Variants in AADACL4 observed in about 807,000 individuals in gnomAD.
The protein encoded by AADACL4 is arylacetamide deacetylase like 4, also known as arylacetamide deacetylase-like 4.
Under a neutral mutation model 14.1 loss-of-function variants are expected in AADACL4, and 9 were observed. That is an observed-to-expected ratio of 0.64 (90% CI 0.39 to 1.12). AADACL4 has a LOEUF of 1.12. Ranked by LOEUF, AADACL4 falls within the 50% of genes most tolerant of loss-of-function variation. The probability of loss-of-function intolerance (pLI) is 0.01; values close to 1 mark genes in which losing one functional copy is unlikely to be tolerated. For missense variants in AADACL4, 531 were observed against 516.1 expected, an observed-to-expected ratio of 1.03 and a Z score of -0.28; for synonymous variants, 188 against 201.6, an observed-to-expected ratio of 0.93 and a Z score of 0.57.
intron 2 of AADACL4, among the ~76,000 whole-genome samples, chr1:12,658,405 C>T (rs985004699): frequency 6.6e-5 from 10 of 151,996 alleles, no homozygotes; most frequent in South Asian, 2.1e-4. Flanking sequence ...ATTACAGGCG[C>T]GTGCCACCAC....
intron 2 of AADACL4, among the ~76,000 whole-genome samples, chr1:12,652,121 C>G (rs934498965): frequency 3.9e-5 from 6 of 152,092 alleles, no homozygotes; most frequent in Non-Finnish European, 7.3e-5. Context: ...CCACGCCCAG[C>G]CTTCCAGAGG....
rs772039677 is a variant in AADACL4 at position 12,651,213 on chromosome 1, C to G, written c.259C>G (p.Leu87Val). Residue 87 changes from leucine to valine, a missense_variant, in exon 2 of 4, where the codon CTT becomes GTT. Coordinates refer to ENST00000376221, the MANE Select transcript of AADACL4 (RefSeq NM_001013630.2). The stretch of plus-strand genomic sequence containing the variant: ...CGTGAGAATTAAAAAGGACCCTGAA[C>G]TTGTGGTGACCGACCTGCGTTTTGG... Reference protein sequence around the residue: ...DSVRIKKDPELVVTDLRFGTI... With the variant: ...DSVRIKKDPEVVVTDLRFGTI... 7 of 1,614,242 alleles carry G rather than the reference C, an allele frequency of 4.3e-6. No homozygotes were observed. In the South Asian group the frequency reaches 5.5e-5, roughly 13 times the overall value.
rs1647357144 is a variant in AADACL4, at chr1:12,666,980, A to G, written c.*245A>G. On this transcript the variant is annotated 3_prime_UTR_variant, in exon 4 of 4. Coordinates refer to ENST00000376221, the MANE Select transcript of AADACL4 (RefSeq NM_001013630.2). ...GCGACATTCTCTAACATTCCCATTT[A>G]GGTGAAATAAATATCAAAAGGAGAA... 2 of 476,932 alleles carry G rather than the reference A, an allele frequency of 4.2e-6. No individual in the cohort carries two copies. Among genetic ancestry groups the G allele is most frequent in the Non-Finnish European group, 7.3e-6 (2 of 274,782 alleles). The allele number at this position is 476,932 out of a possible 1,614,324, so 29.5% of individuals were successfully genotyped here.
chr1:12,666,609 C>T lies in AADACL4; in HGVS notation c.1098C>T (p.Arg366=), dbSNP rs371094883. The T allele has an allele frequency of 3.8e-5, 61 of 1,614,166 alleles. No homozygotes were observed. The highest frequency in any genetic ancestry group is 1.0e-4 in the Admixed American group (6 of 60,028). ...AGCGCTTGGAGGACCAGGGGGTCCG[C>T]GTGACATGGTACCACCTGTATGATG... The part of the protein sequence containing the change: ...YKKRLEDQGV[R]VTWYHLYDGF... Residue 366 remains arginine (R), a synonymous_variant, in exon 4 of 4, where the codon CGC becomes CGT. Coordinates refer to ENST00000376221, the MANE Select transcript of AADACL4 (RefSeq NM_001013630.2).
At chr1:12,646,413 T>G (rs1647112038) in intron 1 of AADACL4, among the ~76,000 whole-genome samples, 2 of 152,210 alleles carry the variant, frequency 1.3e-5, no homozygotes, top group Non-Finnish European at 2.9e-5. Flanking sequence ...TACAAAAACA[T>G]TTTCTAAAAG....
Position 12,653,307 on chromosome 1 carries a change from A to AACCTAAT in AADACL4, c.385+1969_385+1970insCCTAATA, listed in dbSNP as rs111485459. On this transcript the variant is annotated intron_variant, in intron 2 of 3. Transcript: ENST00000376221. ...ATAAAAGGCAAAAACCATTTGCGTC[A>AACCTAAT]AGAAGACATAAACTTTACAAAGAGA... 5.4e-3 allele frequency among the ~76,000 whole-genome samples: 824 copies of AACCTAAT among 152,372 alleles called. 8 individuals carry two copies. The highest frequency in any genetic ancestry group is 0.019 in the African/African-American group (777 of 41,590).
chr1:12,658,162 T>C, intron 2 of AADACL4, among the ~76,000 whole-genome samples: 1 of 137,736 alleles, frequency 7.3e-6, no homozygotes, highest in Admixed American at 6.9e-5. Flanking sequence ...CTTTCTTTCT[T>C]TCTTTTTCTC....
At chr1:12,650,055 A>T (rs1557548025) in intron 1 of AADACL4, among the ~76,000 whole-genome samples, 2 of 152,178 alleles carry the variant, frequency 1.3e-5, no homozygotes, top group African/African-American at 2.4e-5. Context: ...CAAGTTAATG[A>T]TCCAAGCCAC....
At position 12,666,640 on chromosome 1, in the gene AADACL4, C is replaced by T. The variant is rs1222462600; in HGVS notation, c.1129C>T (p.His377Tyr). 6.2e-7 allele frequency: 1 copy of T among 1,614,178 alleles called. No homozygotes were observed. Among genetic ancestry groups the T allele is most frequent in the Admixed American group, 1.7e-5 (1 of 60,020 alleles). Reference protein sequence around the residue: ...VTWYHLYDGFHGSIIFFDKKA... With the variant: ...VTWYHLYDGFYGSIIFFDKKA... ...ATGGTACCACCTGTATGATGGTTTTCACGGATCCATTATCTTTTTTGATAA... is the reference window on the plus strand; with the variant it reads ...ATGGTACCACCTGTATGATGGTTTTTACGGATCCATTATCTTTTTTGATAA... Residue 377 changes from histidine to tyrosine, a missense_variant, in exon 4 of 4, where the codon CAC (histidine) becomes TAC (tyrosine). His to Tyr is a moderately conservative substitution (Grantham distance 83). Coordinates refer to ENST00000376221, the MANE Select transcript of AADACL4 (RefSeq NM_001013630.2).
At chr1:12,662,973 G>A (rs374022402) in intron 3 of AADACL4, among the ~76,000 whole-genome samples, 37 of 152,320 alleles carry the variant, frequency 2.4e-4, no homozygotes, top group African/African-American at 8.7e-4. Context: ...ATACCTTGTA[G>A]GAAATTGCTT....
At chr1:12,649,000 A>G (rs1647129382) in intron 1 of AADACL4, among the ~76,000 whole-genome samples, 1 of 152,152 alleles carries the variant, frequency 6.6e-6, no homozygotes. Flanking sequence ...GACAGAGGGG[A>G]AGGTGCTGAG....
In AADACL4 at chr1:12,651,144, G is replaced by A. The variant is rs1482641630; in HGVS notation, c.190G>A (p.Gly64Arg). Residue 64 changes from glycine to arginine, a missense_variant, in exon 2 of 4, where the codon GGA (glycine) becomes AGA (arginine). By Grantham distance (125) the Gly-to-Arg change is moderately radical. Coordinates refer to ENST00000376221, the MANE Select transcript of AADACL4 (RefSeq NM_001013630.2). ...ACAGGGGAATATATTTGAGAAGCTGGGAATTTGCTCCATGCCCAAATTTAT... is the reference window on the plus strand; with the variant it reads ...ACAGGGGAATATATTTGAGAAGCTGAGAATTTGCTCCATGCCCAAATTTAT... ...VTLGNIFEKL[G>R]ICSMPKFIRF... 2 of 1,614,062 alleles carry A rather than the reference G, an allele frequency of 1.2e-6. No homozygotes were observed. The highest frequency in any genetic ancestry group is 1.7e-5 in the Admixed American group (1 of 60,006).
chr1:12,663,386 G>T (rs540219192), intron 3 of AADACL4, among the ~76,000 whole-genome samples: 1 of 152,268 alleles, frequency 6.6e-6, no homozygotes, highest in African/African-American at 2.4e-5. Flanking sequence ...GCTGTAGACT[G>T]CCAGCTTCTC....
rs1301579914 is a variant in AADACL4 at position 12,666,711 on chromosome 1, A to G, written c.1200A>G (p.Val400=). The G allele has an allele frequency of 6.2e-6, 10 of 1,611,532 alleles. No homozygotes were observed. The highest frequency in any genetic ancestry group is 8.5e-6 in the Non-Finnish European group (10 of 1,179,780). Residue 400 remains valine, a synonymous_variant, in exon 4 of 4, where the codon GTA becomes GTG. Coordinates refer to ENST00000376221, the MANE Select transcript of AADACL4 (RefSeq NM_001013630.2). ...GTTCCCTGAAGATTGTGAATGCTGT[A>G]GTCAGTTATATAAAGGGCATATGAT... ...FPCSLKIVNA[V]VSYIKGI is the part of the protein sequence containing the mutation.
rs371223851 is a variant in AADACL4, at chr1:12,648,534, C to G, written c.169-2589C>G. 1.1e-4 allele frequency among the ~76,000 whole-genome samples: 16 copies of G among 151,718 alleles called. 1 individual carries two copies. In the Middle Eastern group the frequency reaches 0.021, roughly 195 times the overall value. ...ACCTCAGCCTCTTGAGCAGCTGGGA[C>G]CACAGGCATGCACCACTGTGCCTGG... On this transcript the variant is annotated intron_variant, in intron 1 of 3. Transcript: ENST00000376221.
chr1:12,655,147 A>G (rs1647173766), intron 2 of AADACL4, among the ~76,000 whole-genome samples: 1 of 152,126 alleles, frequency 6.6e-6, no homozygotes, highest in Non-Finnish European at 1.5e-5. Flanking sequence ...TATATATACT[A>G]TATAGACTAT....
At position 12,646,846 on chromosome 1, in the gene AADACL4, T is replaced by C. The variant is rs76964151; in HGVS notation, c.168+2132T>C. Among the ~76,000 whole-genome samples, 394 of 152,138 alleles carry C rather than the reference T, an allele frequency of 2.6e-3. 3 individuals carry two copies. The highest frequency in any genetic ancestry group is 8.9e-3 in the African/African-American group (369 of 41,518). ...GCCTCCCAGGGCACACTGCCCATCA[T>C]GGGGTGATGATGATGAGGATGAGGA... On this transcript the variant is annotated intron_variant, in intron 1 of 3. Transcript: ENST00000376221.
chr1:12,666,112 G>T lies in AADACL4; in HGVS notation c.601G>T (p.Ala201Ser). 2 of 1,614,198 alleles carry T rather than the reference G, an allele frequency of 1.2e-6. No homozygotes were observed. The highest frequency in any genetic ancestry group is 2.2e-5 in the East Asian group (1 of 44,892). ...GESVGGAAVA[A>S]ITQALVGRSD... ...AAGCGTCGGAGGTGCAGCGGTGGCC[G>T]CCATCACCCAGGCCTTGGTGGGCAG... The change falls in exon 4 of 4, where the codon GCC (alanine) becomes TCC (serine). Residue 201 changes from alanine to serine, a missense_variant. Physicochemically the swap from Ala to Ser is moderately conservative, Grantham distance 99 (BLOSUM62 1). Transcript: ENST00000376221.
chr1:12,661,956 C>A, intron 3 of AADACL4, 102 bp downstream of exon 3: 1 of 1,290,138 alleles, frequency 7.8e-7, no homozygotes, highest in Non-Finnish European at 1.1e-6. Context: ...TCCCAAGAGG[C>A]AACTCTTGGA....
Sources: allele counts gnomAD v4.1 joint callset (sites outside exome capture counted in the v4.1 genomes callset), GRCh38; gene constraint gnomAD v4.1.1; transcripts MANE v1.5; gene names NCBI Gene and HGNC (gene_info 2026-07-23, HGNC 2026-07-21).